Variants in RPTOR observed in about 807,000 individuals in gnomAD.
RPTOR encodes regulatory-associated protein of mTOR.
RPTOR carries 21 observed loss-of-function variants against 169.9 expected under a neutral mutation model. That is an observed-to-expected ratio of 0.12 (90% confidence interval 0.09 to 0.18). RPTOR has a LOEUF of 0.18. RPTOR is among the 10% of genes least tolerant of loss of function. RPTOR has a pLI of 1.00. For missense variants in RPTOR, 1,133 were observed against 1,855.9 expected, an observed-to-expected ratio of 0.61 and a Z score of 7.16; for synonymous variants, 732 against 753.2, an observed-to-expected ratio of 0.97 and a Z score of 0.46.
intron 6 of RPTOR, among the ~76,000 whole-genome samples, chr17:80,755,318 G>T (rs996675114): frequency 3.9e-5 from 6 of 152,192 alleles, no homozygotes; most frequent in African/African-American, 1.4e-4. Flanking sequence ...GAAGGGAAGA[G>T]GGCTGGGTGT....
chr17:80,887,387 G>T (rs139155798), intron 17 of RPTOR, among the ~76,000 whole-genome samples: 2 of 142,632 alleles, frequency 1.4e-5, no homozygotes, highest in Admixed American at 1.4e-4. Context: ...ACTCTTGGGG[G>T]GGGTGCTGAC....
chr17:80,550,281 T>C (rs993978007), intron 1 of RPTOR, among the ~76,000 whole-genome samples: 2 of 152,216 alleles, frequency 1.3e-5, no homozygotes, highest in Admixed American at 6.5e-5. Context: ...TTCCACAATG[T>C]GGACCATGGC....
chr17:80,841,508 GCTCACACCACACGGCAGCTCA>G (rs2067657385), intron 10 of RPTOR, among the ~76,000 whole-genome samples: 2 of 102,990 alleles, frequency 1.9e-5, no homozygotes, highest in Admixed American at 1.0e-4. Flanking sequence ...CCACACGGCA[GCTCACACCACACGGCAGCTCA>G]CTCTCACCAC....
At chr17:80,720,213 G>A (rs768967940) in intron 4 of RPTOR, among the ~76,000 whole-genome samples, 7 of 151,944 alleles carry the variant, frequency 4.6e-5, no homozygotes, top group South Asian at 2.1e-4. Context: ...CAGGAGAATC[G>A]CTTGAACTGG....
In RPTOR at chr17:80,923,540, T is replaced by A. The variant is rs1349258367; in HGVS notation, c.2675T>A (p.Val892Glu). ...STSSSSLTND[V>E]AKQPVSRDLP... ...AGCAGCTCCAGCCTGACCAACGATG[T>A]GGCCAAGCAGCCGGTCAGCCGAGAC... The change falls in exon 23 of 34, where the codon GTG (valine) becomes GAG (glutamate). Residue 892 changes from valine (V) to glutamate (E), a missense_variant. Coordinates refer to ENST00000306801, the MANE Select transcript of RPTOR (RefSeq NM_020761.3). 1.2e-6 allele frequency: 2 copies of A among 1,613,332 alleles called. No homozygotes were observed. Among genetic ancestry groups the A allele is most frequent in the Admixed American group, 1.7e-5 (1 of 60,026 alleles).
chr17:80,735,443 A>G (rs1298638407), intron 5 of RPTOR, among the ~76,000 whole-genome samples: 2 of 152,238 alleles, frequency 1.3e-5, no homozygotes, highest in Non-Finnish European at 2.9e-5. Flanking sequence ...AATGTTTTTT[A>G]ACAACTTTTA....
rs563112271 is a variant in RPTOR, at chr17:80,698,956, GT to G, written c.349-8883del. 6.4e-3 allele frequency among the ~76,000 whole-genome samples: 974 copies of G among 152,346 alleles called. 12 individuals carry two copies. The highest frequency in any genetic ancestry group is 8.1e-3 in the Non-Finnish European group (549 of 68,030). ...AGGTTACCCTGGGTGCTTCCTGGAT[GT>G]TCAGGCGCCCGTGATTCCCCCAGCA... On this transcript the variant is annotated intron_variant, in intron 3 of 33. Coordinates refer to ENST00000306801, the MANE Select transcript of RPTOR (RefSeq NM_020761.3).
chr17:80,827,206 T>C (rs907432864), intron 9 of RPTOR, among the ~76,000 whole-genome samples: 4 of 152,242 alleles, frequency 2.6e-5, no homozygotes, highest in South Asian at 2.1e-4. Context: ...CTCTGCTTAG[T>C]AATAGGAGTT....
chr17:80,715,585 GT>G (rs34329434), intron 4 of RPTOR, among the ~76,000 whole-genome samples: 38,598 of 146,104 alleles, frequency 0.26, 5,064 homozygotes, highest in East Asian at 0.33. Context: ...TTATTTTTAT[GT>G]TTTTTTTTTT....
chr17:80,822,062 T>C (rs984858311), intron 7 of RPTOR, 139 bp from the exon 8 acceptor site: 2 of 735,344 alleles, frequency 2.7e-6, no homozygotes, highest in Non-Finnish European at 4.9e-6. Flanking sequence ...CTCCCTGCCG[T>C]GCGCCAAGCT....
intron 7 of RPTOR, chr17:80,801,729 C>T (rs2067159884): frequency 6.6e-6 from 1 of 152,228 alleles, no homozygotes; most frequent in African/African-American, 2.4e-5. Context: ...CTGCCAGTCA[C>T]TGCTGAGATG....
chr17:80,950,028 T>C (rs1567963), intron 28 of RPTOR, among the ~76,000 whole-genome samples: 51,167 of 152,122 alleles, frequency 0.34, 9,920 homozygotes, highest in East Asian at 0.55. Context: ...CGGCTCTGGG[T>C]ACAGTTCTGC....
At chr17:80,745,425 T>G (rs373710766) in intron 5 of RPTOR, among the ~76,000 whole-genome samples, 7 of 152,324 alleles carry the variant, frequency 4.6e-5, no homozygotes, top group Non-Finnish European at 1.0e-4. Context: ...TCTCTCAGCC[T>G]GGATGTGATA....
intron 7 of RPTOR, among the ~76,000 whole-genome samples, chr17:80,821,422 C>T (rs1207877049): frequency 1.3e-5 from 2 of 152,200 alleles, no homozygotes; most frequent in Non-Finnish European, 2.9e-5. Context: ...GCTCTGAACA[C>T]GTGGCATTTG....
At chr17:80,676,517 A>C (rs1347524490) in intron 3 of RPTOR, among the ~76,000 whole-genome samples, 1 of 152,174 alleles carries the variant, frequency 6.6e-6, no homozygotes, top group African/African-American at 2.4e-5. Context: ...AGGGCAGATG[A>C]GGCAGCACCA....
intron 9 of RPTOR, among the ~76,000 whole-genome samples, chr17:80,825,051 A>G (rs12944788): frequency 7.1e-4 from 69 of 97,186 alleles, no homozygotes; most frequent in African/African-American, 1.1e-3. Context: ...CGAGGCCAGT[A>G]TGGGGCAGCC....
At chr17:80,885,372 C>T (rs930420240) in intron 17 of RPTOR, among the ~76,000 whole-genome samples, 1 of 152,222 alleles carries the variant, frequency 6.6e-6, no homozygotes, top group African/African-American at 2.4e-5. Context: ...CTGCGCCTCC[C>T]GGCAGCTTGT....
chr17:80,822,168 G>A (rs765947141), intron 7 of RPTOR, 33 bp from the exon 8 acceptor site: 1 of 1,592,434 alleles, frequency 6.3e-7, no homozygotes, highest in South Asian at 1.1e-5. Context: ...CAGAGCTGTG[G>A]CATCACTCAT....
In RPTOR at chr17:80,955,213, C is replaced by T. The variant is rs368582574; in HGVS notation, c.3371-2411C>T. Among the ~76,000 whole-genome samples, 108 of 152,340 alleles carry T rather than the reference C, an allele frequency of 7.1e-4. 1 individual carries two copies. The South Asian group carries it at 0.012, about 17-fold the overall frequency. On this transcript the variant is annotated intron_variant, in intron 28 of 33. Transcript: ENST00000306801. ...ACCAGCCAAGGCAATATTGAAGAGG[C>T]GCAGACGGCATTAAGAAGCTGCAAT...
Sources: allele counts gnomAD v4.1 joint callset (sites outside exome capture counted in the v4.1 genomes callset), GRCh38; gene constraint gnomAD v4.1.1; transcripts MANE v1.5; gene names NCBI Gene and HGNC (gene_info 2026-07-23, HGNC 2026-07-21).